The following SMARCB1 variants were observed in gnomAD, a reference collection of about 807,000 sequenced individuals.
The protein encoded by SMARCB1 is SWI/SNF-related matrix-associated actin-dependent regulator of chromatin subfamily B member 1.
A neutral mutation model predicts 49.0 loss-of-function variants in SMARCB1; 5 were observed. That is an observed-to-expected ratio of 0.10 (90% CI 0.05 to 0.21). The LOEUF is 0.21. SMARCB1 is among the 10% of genes least tolerant of loss of function. The probability of loss-of-function intolerance (pLI) is 1.00; values close to 1 mark genes in which losing one functional copy is unlikely to be tolerated. For synonymous variants in SMARCB1, 201 were observed against 200.1 expected, an observed-to-expected ratio of 1.00 and a Z score of -0.04; for missense variants, 226 against 509.2, an observed-to-expected ratio of 0.44 and a Z score of 5.35.
chr22:23,796,285 A>C (rs1186366278), intron 3 of SMARCB1, among the ~76,000 whole-genome samples: 3 of 152,184 alleles, frequency 2.0e-5, no homozygotes, highest in Non-Finnish European at 4.4e-5. Context: ...TTAAGTATCC[A>C]GCCTTTAAGG....
At position 23,816,771 on chromosome 22, in the gene SMARCB1, G is replaced by T. The variant is rs142218902; in HGVS notation, c.630G>T (p.Glu210Asp). The change falls in exon 6 of 9, where the codon GAG (glutamate) becomes GAT (aspartate). Residue 210 changes from glutamate to aspartate, a missense_variant and splice_region_variant. Coordinates refer to ENST00000644036, the MANE Select transcript of SMARCB1 (RefSeq NM_003073.5). ...ATCCCTTCCCTCTCCTGATTTCAGA[G>T]AAGTTGATGACGCCTGAGATGTTTT... ...LRDAFTWNMN[E>D]KLMTPEMFSE... 1.8e-5 allele frequency: 29 copies of T among 1,613,584 alleles called. No individual in the cohort carries two copies. Among genetic ancestry groups the T allele is most frequent in the Non-Finnish European group, 2.4e-5 (28 of 1,179,878 alleles).
chr22:23,809,821 A>G (rs545716058), intron 5 of SMARCB1, among the ~76,000 whole-genome samples: 4 of 152,274 alleles, frequency 2.6e-5, no homozygotes, highest in East Asian at 3.9e-4. Flanking sequence ...CCCAGTGACA[A>G]TATTGTTCAG....
intron 3 of SMARCB1, among the ~76,000 whole-genome samples, chr22:23,798,579 A>C (rs899354510): frequency 2.0e-5 from 3 of 152,136 alleles, no homozygotes; most frequent in East Asian, 3.9e-4. Context: ...ACCAGCGATC[A>C]AGGGGTAGTC....
chr22:23,789,011 G>A (rs944185857), intron 1 of SMARCB1, among the ~76,000 whole-genome samples: 6 of 151,860 alleles, frequency 4.0e-5, no homozygotes, highest in African/African-American at 1.2e-4. Flanking sequence ...CACCACACCC[G>A]GCTAATTTTT....
Position 23,836,834 on chromosome 22 carries a change from G to A in SMARCB1, c.*2654G>A. On this transcript the variant is annotated 3_prime_UTR_variant, in exon 9 of 9. Coordinates refer to ENST00000644036, the MANE Select transcript of SMARCB1 (RefSeq NM_003073.5). ...AGGGGTCATGGGTAGGATGGAAGCT[G>A]CCAGAAGCCTCTTAGGCCTGGCCCT... 3 of 1,438,442 alleles carry A rather than the reference G, an allele frequency of 2.1e-6. No individual in the cohort carries two copies. The highest frequency in any genetic ancestry group is 1.9e-4 in the Middle Eastern group (1 of 5,230). 89.1% of individuals were successfully genotyped at this position (1,438,442 alleles called of 1,614,324 possible).
At chr22:23,830,994 C>T (rs2030628490) in intron 7 of SMARCB1, among the ~76,000 whole-genome samples, 1 of 152,106 alleles carries the variant, frequency 6.6e-6, no homozygotes, top group African/African-American at 2.4e-5. Context: ...GTTGCTAGTG[C>T]TTTTGGTTTC....
chr22:23,801,304 CCT>C, intron 4 of SMARCB1: 1 of 735,396 alleles, frequency 1.4e-6, no homozygotes, highest in Non-Finnish European at 2.4e-6. Flanking sequence ...GTCCTCCTCA[CCT>C]CTCTGGCCCC....
chr22:23,830,621 G>T (rs8136871), intron 7 of SMARCB1, among the ~76,000 whole-genome samples: 66 of 130,956 alleles, frequency 5.0e-4, no homozygotes, highest in African/African-American at 1.9e-3. Flanking sequence ...AAGCACAAAA[G>T]TTTTCATTTT....
chr22:23,797,008 T>C (rs1343621046), intron 3 of SMARCB1, among the ~76,000 whole-genome samples: 1 of 150,184 alleles, frequency 6.7e-6, no homozygotes, highest in Non-Finnish European at 1.5e-5. Context: ...TTCTTTTTTT[T>C]TTTTTTTTTG....
At chr22:23,831,118 T>C (rs1487517633) in intron 7 of SMARCB1, among the ~76,000 whole-genome samples, 1 of 152,192 alleles carries the variant, frequency 6.6e-6, no homozygotes, top group Non-Finnish European at 1.5e-5. Flanking sequence ...TTGAGGCTCC[T>C]GGCGGCCTCG....
chr22:23,834,742 A>G lies in SMARCB1; in HGVS notation c.*562A>G. On this transcript the variant is annotated 3_prime_UTR_variant, in exon 9 of 9. Transcript: ENST00000644036. ...GCCTGTTCTCCTTCCAGACCCAGAG[A>G]GCTGAGAAGAGTAGCTGTGAGGCTC... 1 of 1,485,864 alleles carries G rather than the reference A, an allele frequency of 6.7e-7. No homozygotes were observed. 92.0% of individuals were successfully genotyped at this position (1,485,864 alleles called of 1,614,324 possible).
At chr22:23,788,384 A>G (rs1477482722) in intron 1 of SMARCB1, among the ~76,000 whole-genome samples, 1 of 152,216 alleles carries the variant, frequency 6.6e-6, no homozygotes. Flanking sequence ...TCCTTATAGC[A>G]GTTTTTAGTA....
intron 7 of SMARCB1, among the ~76,000 whole-genome samples, chr22:23,827,067 C>T (rs1322117950): frequency 6.6e-6 from 1 of 152,234 alleles, no homozygotes; most frequent in Non-Finnish European, 1.5e-5. Context: ...GGGTGGCCTC[C>T]CTCCACCAGA....
chr22:23,822,629 C>G (rs146792882), intron 6 of SMARCB1, among the ~76,000 whole-genome samples: 1 of 152,234 alleles, frequency 6.6e-6, no homozygotes, highest in Non-Finnish European at 1.5e-5. Context: ...TAACTGCTCT[C>G]TGCTACAGTC....
Position 23,836,307 on chromosome 22 carries a change from G to A in SMARCB1, c.*2127G>A. On this transcript the variant is annotated 3_prime_UTR_variant, in exon 9 of 9. Coordinates refer to ENST00000644036, the MANE Select transcript of SMARCB1 (RefSeq NM_003073.5). ...AATGAGGCATACGCCCACCTGTCAG[G>A]GTGGCTGATGAGAGACAGGAGAGGC... 1 of 985,494 alleles carries A rather than the reference G, an allele frequency of 1.0e-6. No individual in the cohort carries two copies. Among genetic ancestry groups the A allele is most frequent in the South Asian group, 4.7e-5 (1 of 21,294 alleles). The allele number at this position is 985,494 out of a possible 1,614,324, so 61.0% of individuals were successfully genotyped here.
Position 23,787,025 on chromosome 22 carries a change from G to GGAGCCCGGCTGAGGCGCCA in SMARCB1, c.-143_-125dup. The GGAGCCCGGCTGAGGCGCCA allele has an allele frequency of 1.9e-6, 1 of 531,858 alleles. No individual in the cohort carries two copies. Among genetic ancestry groups the GGAGCCCGGCTGAGGCGCCA allele is most frequent in the Non-Finnish European group, 3.3e-6 (1 of 305,706 alleles). The allele number at this position is 531,858 out of a possible 1,614,324, so 32.9% of individuals were successfully genotyped here. ...CGTCTGCGGCGGCGGCGGCGGCTGA[G>GGAGCCCGGCTGAGGCGCCA]GAGCCCGGCTGAGGCGCCAGTACCC... is the stretch of plus-strand genomic sequence containing the variant. On this transcript the variant is annotated 5_prime_UTR_variant, in exon 1 of 9. Coordinates refer to ENST00000644036, the MANE Select transcript of SMARCB1 (RefSeq NM_003073.5).
intron 7 of SMARCB1, 152 bp from the exon 8 acceptor site, chr22:23,833,420 C>A: frequency 3.7e-6 from 4 of 1,080,646 alleles, no homozygotes; most frequent in South Asian, 1.3e-5. Context: ...GCGCCTCCAG[C>A]AGCTCCCTTG....
chr22:23,814,081 C>T (rs1012599902), intron 5 of SMARCB1, among the ~76,000 whole-genome samples: 8 of 152,140 alleles, frequency 5.3e-5, no homozygotes, highest in African/African-American at 1.7e-4. Context: ...CCGCCTGTCT[C>T]AGCCTCCCAA....
intron 3 of SMARCB1, among the ~76,000 whole-genome samples, chr22:23,797,890 G>A (rs549853632): frequency 6.6e-6 from 1 of 152,206 alleles, no homozygotes; most frequent in African/African-American, 2.4e-5. Context: ...AAGTGTCGGG[G>A]TTACAGGTGT....
Sources: gnomAD v4.1 joint callset for allele counts (sites outside exome capture counted in the v4.1 genomes callset) on GRCh38, gnomAD v4.1.1 for gene constraint, MANE v1.5 for transcripts, NCBI Gene and HGNC (gene_info 2026-07-23, HGNC 2026-07-21) for gene names.